Variants in KIF17 observed in about 807,000 individuals in gnomAD.
The protein encoded by KIF17 is kinesin family member 17.
In KIF17, 80 loss-of-function variants were observed where a neutral mutation model predicts 96.8. That is an observed-to-expected ratio of 0.83 (90% CI 0.69 to 1.00). The LOEUF (loss-of-function observed/expected upper bound fraction) is 1.00, where lower values mean the gene tolerates loss of function less well. Ranked by LOEUF, KIF17 falls within the 50% of genes least tolerant of loss-of-function variation. The probability of loss-of-function intolerance (pLI) is 0.00; values close to 1 mark genes in which losing one functional copy is unlikely to be tolerated. For synonymous variants in KIF17, 567 were observed against 587.5 expected (o/e 0.97, Z 0.51); for missense variants, 1,280 against 1,372.9 (o/e 0.93, Z 1.07).
chr1:20,697,145 G>A (rs1386555449), intron 6 of KIF17, among the ~76,000 whole-genome samples: 1 of 152,224 alleles, frequency 6.6e-6, no homozygotes, highest in Non-Finnish European at 1.5e-5. Context: ...CAGAGGCTGG[G>A]CCCCAGGTAC....
intron 7 of KIF17, 92 bp from the exon 8 acceptor site, chr1:20,688,036 T>C: frequency 8.7e-7 from 1 of 1,145,880 alleles, no homozygotes; most frequent in Non-Finnish European, 1.3e-6. Flanking sequence ...GTGTTGTTTT[T>C]TTTGTTTGTT....
At chr1:20,697,282 C>CA (rs1426271179) in intron 6 of KIF17, among the ~76,000 whole-genome samples, 9 of 152,186 alleles carry the variant, frequency 5.9e-5, no homozygotes, top group Admixed American at 5.2e-4. Context: ...TGCCTGGCAT[C>CA]AGGTTTCACA....
intron 11 of KIF17, among the ~76,000 whole-genome samples, chr1:20,677,630 G>T (rs1171392369): frequency 6.6e-6 from 1 of 152,158 alleles, no homozygotes. Context: ...GAGGTGGGTG[G>T]ATCACCTGAG....
At position 20,704,116 on chromosome 1, in the gene KIF17, G is replaced by A. The variant is rs1009745961; in HGVS notation, c.1123+331C>T. 1.7e-4 allele frequency among the ~76,000 whole-genome samples: 21 copies of A among 122,992 alleles called. No individual in the cohort carries two copies. Among genetic ancestry groups the A allele is most frequent in the Non-Finnish European group, 3.2e-4 (20 of 62,628 alleles). The allele number at this position is 122,992 out of a possible 152,430, so 80.7% of individuals were successfully genotyped here. Reference sequence around the variant, plus strand: ...CTGCTGAGCAGCGAACACGCATTGCGACAATGCCACAGACAGCAGCAGACG... The same window carrying A: ...CTGCTGAGCAGCGAACACGCATTGCAACAATGCCACAGACAGCAGCAGACG... On this transcript the variant is annotated intron_variant, in intron 5 of 14. Transcript: ENST00000400463. The surrounding 1 kb of genome is among the most constrained non-coding windows in gnomAD (Gnocchi z 6.8).
chr1:20,674,830 T>G (rs2053709740), intron 11 of KIF17, among the ~76,000 whole-genome samples: 1 of 152,126 alleles, frequency 6.6e-6, no homozygotes, highest in Admixed American at 6.6e-5. Context: ...CTTTCACCAC[T>G]GAATTATCTT....
At chr1:20,675,987 C>T (rs1035624132) in intron 11 of KIF17, among the ~76,000 whole-genome samples, 2 of 151,750 alleles carry the variant, frequency 1.3e-5, no homozygotes, top group African/African-American at 4.9e-5. Flanking sequence ...TTGCAGTGAG[C>T]GGAAATTGTG....
rs1216728819 is a variant in KIF17, at chr1:20,712,629, TC to T, written c.480+824del. Among the ~76,000 whole-genome samples, 133 of 41,844 alleles carry T rather than the reference TC, an allele frequency of 3.2e-3. 22 individuals carry two copies. The highest frequency in any genetic ancestry group is 5.6e-3 in the Non-Finnish European group (82 of 14,770). 27.5% of individuals were successfully genotyped at this position (41,844 alleles called of 152,430 possible). ...CTATATATATATAATATAGATAATA[TC>T]TATATATATAATATAGATAATATTA... On this transcript the variant is annotated intron_variant, in intron 3 of 14. Coordinates refer to ENST00000400463, the MANE Select transcript of KIF17 (RefSeq NM_001122819.3).
rs1384636925 is a variant in KIF17, at chr1:20,684,920, G to A, written c.2120C>T (p.Pro707Leu). The A allele has an allele frequency of 1.3e-6, 2 of 1,596,168 alleles. No individual in the cohort carries two copies. Among genetic ancestry groups the A allele is most frequent in the South Asian group, 1.1e-5 (1 of 88,396 alleles). The change falls in exon 10 of 15, where the codon CCT (proline) becomes CTT (leucine). Residue 707 changes from proline to leucine, a missense_variant. Pro to Leu is a moderately conservative substitution (Grantham distance 98). Coordinates refer to ENST00000400463, the MANE Select transcript of KIF17 (RefSeq NM_001122819.3). ...ACCAGCTGTGGCCGGCAGGGGCTCA[G>A]GCTGAGCCACCAGGGCCACCGGGGC... is the stretch of plus-strand genomic sequence containing the variant. ...AQAPVALVAQ[P>L]EPLPATAGVK...
In KIF17 at chr1:20,715,511, G is replaced by A. The variant is rs771013228; in HGVS notation, c.360C>T (p.His120=). Reference sequence around the variant, plus strand: ...CCCGTACCTGGACGCTCTCGAACACGTGCTCGAAGGCCCTGGGGATGATGC... The same window carrying A: ...CCCGTACCTGGACGCTCTCGAACACATGCTCGAAGGCCCTGGGGATGATGC... ...QRGIIPRAFE[H]VFESVQCAEN... Residue 120 remains histidine, a synonymous_variant, in exon 2 of 15, where the codon CAC becomes CAT. Transcript: ENST00000400463. 1.3e-5 allele frequency: 21 copies of A among 1,613,242 alleles called. No individual in the cohort carries two copies. In the South Asian group the frequency reaches 1.5e-4, roughly 12 times the overall value.
chr1:20,717,523 G>GGTCCACGTGGTAGGCGCCGTC lies in KIF17; in HGVS notation c.163_183dup (p.Asp55_Asp61dup). On this transcript the variant is annotated inframe_insertion, in exon 1 of 15. Transcript: ENST00000400463. Reference sequence around the variant, plus strand: ...TCGTTGTAGATCTGCTCGGTGACGTGGTCCACGTGGTAGGCGCCGTCGAAG... The same window carrying GGTCCACGTGGTAGGCGCCGTC: ...TCGTTGTAGATCTGCTCGGTGACGTGGTCCACGTGGTAGGCGCCGTCGTCCACGTGGTAGGCGCCGTCGAAG... 6.2e-7 allele frequency: 1 copy of GGTCCACGTGGTAGGCGCCGTC among 1,611,864 alleles called. No individual in the cohort carries two copies.
In KIF17 at chr1:20,709,804, C is replaced by A. The variant is rs547253363; in HGVS notation, c.505G>T (p.Val169Leu). The change falls in exon 4 of 15, where the codon GTG (valine) becomes TTG (leucine). Residue 169 changes from valine to leucine, a missense_variant. Coordinates refer to ENST00000400463, the MANE Select transcript of KIF17 (RefSeq NM_001122819.3). The surrounding 1 kb of genome is among the most constrained non-coding windows in gnomAD (Gnocchi z 4.7). ...TGCATGGACAGCCCCTTCACGTACA[C>A]GCCCTTCTCTGGGTGCTCCTTCAGC... ...LELKEHPEKG[V>L]YVKGLSMHTV... The A allele has an allele frequency of 6.2e-7, 1 of 1,612,840 alleles. No individual in the cohort carries two copies. Among genetic ancestry groups the A allele is most frequent in the South Asian group, 1.1e-5 (1 of 90,926 alleles).
intron 11 of KIF17, among the ~76,000 whole-genome samples, chr1:20,679,981 A>AGAAC (rs2053802001): frequency 2.4e-5 from 2 of 83,420 alleles, no homozygotes; most frequent in African/African-American, 3.2e-5. Flanking sequence ...AACAAATCAG[A>AGAAC]GATCGATTGA....
Position 20,686,124 on chromosome 1 carries a change from G to T in KIF17, c.1941C>A (p.Val647=). 1 of 1,565,370 alleles carries T rather than the reference G, an allele frequency of 6.4e-7. No individual in the cohort carries two copies. Among genetic ancestry groups the T allele is most frequent in the East Asian group, 2.4e-5 (1 of 42,318 alleles). Residue 647 remains valine, a splice_region_variant and synonymous_variant, in exon 9 of 15, where the codon GTC becomes GTA. Coordinates refer to ENST00000400463, the MANE Select transcript of KIF17 (RefSeq NM_001122819.3). ...QADVPKVPVQ[V]PAPTDLLEPS... is the part of the protein sequence containing the mutation. ...GCTCCAGCAGGTCTGTCGGCGCAGGGACCTGGGAGGAAAGAGGGGATGGAG... is the reference window on the plus strand; with the variant it reads ...GCTCCAGCAGGTCTGTCGGCGCAGGTACCTGGGAGGAAAGAGGGGATGGAG...
intron 12 of KIF17, among the ~76,000 whole-genome samples, chr1:20,670,898 CAG>C (rs2053637400): frequency 6.6e-6 from 1 of 152,146 alleles, no homozygotes; most frequent in South Asian, 2.1e-4. Context: ...CCCAAATGGG[CAG>C]AGTCAGGTCC....
chr1:20,692,776 CTTTT>C (rs35531322), intron 6 of KIF17: 4 of 139,436 alleles, frequency 2.9e-5, no homozygotes, highest in Admixed American at 2.1e-4. Flanking sequence ...GGGACTCTTT[CTTTT>C]TTTTTTTTTT....
chr1:20,696,354 A>C (rs2054138696), intron 6 of KIF17, among the ~76,000 whole-genome samples: 1 of 152,134 alleles, frequency 6.6e-6, no homozygotes, highest in Admixed American at 6.5e-5. Context: ...GGACGCAGGG[A>C]TAGCGGGGTG....
rs761234884 is a variant in KIF17, at chr1:20,672,057, A to G, written c.2603T>C (p.Ile868Thr). The change falls in exon 12 of 15, where the codon ATT becomes ACT. Residue 868 changes from isoleucine (I) to threonine (T), a missense_variant. Transcript: ENST00000400463. This position sits in a 1 kb window ranked among gnomAD's most constrained non-coding sequence, Gnocchi z 4.3. ...QQLLEQVQPLIRRDCNYSNLE... is the reference protein window; with the variant it reads ...QQLLEQVQPLTRRDCNYSNLE... The stretch of plus-strand genomic sequence containing the variant: ...GTTGCTGTAGTTACAGTCCCTGCGA[A>G]TCAGGGGCTGCACCTGCTCCAGGAG... The G allele has an allele frequency of 6.2e-7, 1 of 1,614,170 alleles. No homozygotes were observed. The highest frequency in any genetic ancestry group is 1.7e-5 in the Admixed American group (1 of 60,018).
chr1:20,695,127 C>T (rs562629511), intron 6 of KIF17, among the ~76,000 whole-genome samples: 3 of 136,846 alleles, frequency 2.2e-5, no homozygotes, highest in Admixed American at 6.9e-5. Context: ...CATACACACA[C>T]GCACACACAC....
intron 3 of KIF17, among the ~76,000 whole-genome samples, chr1:20,713,056 C>T (rs1461605676): frequency 6.8e-6 from 1 of 147,944 alleles, no homozygotes; most frequent in Non-Finnish European, 1.5e-5. Flanking sequence ...AGTGCAGTGG[C>T]ACAATCTCAG....
Sources: gnomAD v4.1 joint callset for allele counts (sites outside exome capture counted in the v4.1 genomes callset) on GRCh38, gnomAD v4.1.1 for gene constraint, Gnocchi (gnomAD v3.1) non-coding constraint, MANE v1.5 for transcripts, NCBI Gene and HGNC (gene_info 2026-07-23, HGNC 2026-07-21) for gene names.